The following MTFMT variants were observed in gnomAD, a reference collection of about 807,000 sequenced individuals.
MTFMT encodes the protein methionyl-tRNA formyltransferase, mitochondrial.
In MTFMT, 47 loss-of-function variants were observed where a neutral mutation model predicts 51.8. The ratio of observed to expected loss-of-function variants is 0.91; its 90% CI spans 0.72 to 1.16. MTFMT has a LOEUF of 1.16. Ranked by LOEUF, MTFMT falls within the 50% of genes most tolerant of loss-of-function variation. The pLI, the probability that MTFMT is intolerant of heterozygous loss-of-function variation, is 0.00. For synonymous variants in MTFMT, 196 were observed against 176.7 expected (o/e 1.11, Z -0.87); for missense variants, 512 against 482.3 (o/e 1.06, Z -0.58).
intron 6 of MTFMT, among the ~76,000 whole-genome samples, chr15:65,012,370 G>C (rs998156890): frequency 3.3e-5 from 5 of 151,736 alleles, no homozygotes; most frequent in Non-Finnish European, 7.4e-5. Context: ...AAAATCAATT[G>C]ACCATAAATG....
rs572454817 is a variant in MTFMT, at chr15:65,011,111, T to C, written c.814-4920A>G. On this transcript the variant is annotated intron_variant, in intron 6 of 8. Coordinates refer to ENST00000220058, the MANE Select transcript of MTFMT (RefSeq NM_139242.4). ...CTGAGGCAGGTGGATCACCTGAGGA[T>C]AGGAGTTCGAGACCAGCCAGGTCAA... is the stretch of plus-strand genomic sequence containing the variant. Among the ~76,000 whole-genome samples the C allele has an allele frequency of 8.6e-4, 131 of 152,048 alleles. 1 individual carries two copies. The highest frequency in any genetic ancestry group is 3.0e-3 in the African/African-American group (124 of 41,472).
intron 3 of MTFMT, among the ~76,000 whole-genome samples, chr15:65,022,281 A>C (rs1190909134): frequency 1.3e-5 from 2 of 152,126 alleles, no homozygotes; most frequent in South Asian, 2.1e-4. Context: ...GTGAAACCCT[A>C]TCTCTACTAA....
chr15:65,010,134 C>T (rs188728556), intron 6 of MTFMT, among the ~76,000 whole-genome samples: 5 of 152,292 alleles, frequency 3.3e-5, no homozygotes, highest in Non-Finnish European at 5.9e-5. Flanking sequence ...GCCACACCAG[C>T]CTCATTTCTG....
At chr15:65,026,525 G>A (rs1261343889) in intron 2 of MTFMT, 1 of 306,634 alleles carries the variant, frequency 3.3e-6, no homozygotes, top group African/African-American at 2.2e-5. Context: ...AACATCTTAA[G>A]TTACTGGATT....
At chr15:65,009,212 T>C (rs1349976371) in intron 6 of MTFMT, among the ~76,000 whole-genome samples, 2 of 152,148 alleles carry the variant, frequency 1.3e-5, no homozygotes, top group East Asian at 3.9e-4. Flanking sequence ...GCACAAAGCT[T>C]TTCTCCATGT....
chr15:65,022,242 C>T lies in MTFMT; in HGVS notation c.543-626G>A, dbSNP rs548106349. Among the ~76,000 whole-genome samples, 4 of 152,160 alleles carry T rather than the reference C, an allele frequency of 2.6e-5. No individual in the cohort carries two copies. The South Asian group carries it at 8.3e-4, about 32-fold the overall frequency. On this transcript the variant is annotated intron_variant, in intron 3 of 8. Coordinates refer to ENST00000220058, the MANE Select transcript of MTFMT (RefSeq NM_139242.4). ...CTTTGGGAGGCCAAGGTGGGTGGATCACGAGGTCAAGAGATCCTGGCCAAC... is the reference window on the plus strand; with the variant it reads ...CTTTGGGAGGCCAAGGTGGGTGGATTACGAGGTCAAGAGATCCTGGCCAAC...
intron 5 of MTFMT, among the ~76,000 whole-genome samples, chr15:65,018,558 C>A (rs2086343764): frequency 6.6e-6 from 1 of 152,012 alleles, no homozygotes; most frequent in African/African-American, 2.4e-5. Context: ...CATTGTTGTA[C>A]CAGATGATCT....
At chr15:65,022,934 C>T (rs369982161) in intron 3 of MTFMT, among the ~76,000 whole-genome samples, 1 of 152,084 alleles carries the variant, frequency 6.6e-6, no homozygotes, top group African/African-American at 2.4e-5. Context: ...AAGTGATCCT[C>T]CCACCTCGGC....
chr15:65,012,403 TA>T (rs989559474), intron 6 of MTFMT, among the ~76,000 whole-genome samples: 1 of 151,992 alleles, frequency 6.6e-6, no homozygotes, highest in Non-Finnish European at 1.5e-5. Context: ...TCTAGACTTT[TA>T]AAAAAATTTG....
chr15:65,007,627 A>AT (rs1279827434), intron 6 of MTFMT, among the ~76,000 whole-genome samples: 16 of 152,298 alleles, frequency 1.1e-4, no homozygotes, highest in African/African-American at 3.9e-4. Context: ...TCAACATTTT[A>AT]TTGCTAAACT....
At chr15:65,025,412 G>GAAAT (rs3057964) in intron 2 of MTFMT, among the ~76,000 whole-genome samples, 60,024 of 148,536 alleles carry the variant, frequency 0.4, 12,568 homozygotes, top group East Asian at 0.68. Context: ...CAATAAAATA[G>GAAAT]AAATAAATAA....
intron 5 of MTFMT, among the ~76,000 whole-genome samples, chr15:65,018,535 T>C (rs2086343449): frequency 6.6e-6 from 1 of 152,220 alleles, no homozygotes; most frequent in South Asian, 2.1e-4. Flanking sequence ...CACTGATACC[T>C]TATCTTGCCA....
chr15:65,029,436 G>A lies in MTFMT; in HGVS notation c.178C>T (p.Arg60Cys), dbSNP rs1262243220. The A allele has an allele frequency of 2.0e-6, 3 of 1,507,562 alleles. No homozygotes were observed. The highest frequency in any genetic ancestry group is 2.9e-5 in the African/African-American group (2 of 68,878). The allele number at this position is 1,507,562 out of a possible 1,614,324, so 93.4% of individuals were successfully genotyped here. The change falls in exon 1 of 9, where the codon CGC (arginine) becomes TGC (cysteine). Residue 60 changes from arginine to cysteine, a missense_variant. By Grantham distance (180) the Arg-to-Cys change is radical. Coordinates refer to ENST00000220058, the MANE Select transcript of MTFMT (RefSeq NM_139242.4). ...VLFFGTDQFAREALRALHAAR... is the reference protein window; with the variant it reads ...VLFFGTDQFACEALRALHAAR... The stretch of plus-strand genomic sequence containing the variant: ...GCGTGCAGCGCCCGCAGCGCCTCGC[G>A]GGCGAACTGGTCCGTGCCGAAGAAG...
At chr15:65,027,137 A>G (rs980957846) in intron 1 of MTFMT, 97 bp from the exon 2 acceptor site, 6 of 858,470 alleles carry the variant, frequency 7.0e-6, no homozygotes, top group Non-Finnish European at 1.1e-5. Context: ...GATTAATCTC[A>G]TGAAGCATTT....
intron 5 of MTFMT, among the ~76,000 whole-genome samples, chr15:65,019,153 C>T (rs2086349282): frequency 2.0e-5 from 3 of 152,144 alleles, no homozygotes; most frequent in Admixed American, 2.0e-4. Flanking sequence ...CTGCTAATTG[C>T]AAAAGGGAAA....
chr15:65,006,947 C>T (rs151074507), intron 6 of MTFMT, among the ~76,000 whole-genome samples: 136 of 152,214 alleles, frequency 8.9e-4, no homozygotes, highest in African/African-American at 3.2e-3. Flanking sequence ...CCACCCAGGT[C>T]ATTATGCACA....
At chr15:65,021,720 C>G (rs2140486092) in intron 3 of MTFMT, 104 bp from the exon 4 acceptor site, 1 of 823,606 alleles carries the variant, frequency 1.2e-6, no homozygotes, top group East Asian at 2.5e-5. Context: ...GTCTGCATGC[C>G]TATAGTCCTA....
chr15:65,021,705 C>T (rs1185318056), intron 3 of MTFMT, 89 bp from the exon 4 acceptor site: 6 of 1,026,598 alleles, frequency 5.8e-6, no homozygotes, highest in African/African-American at 4.7e-5. Context: ...AAGCTGGGTA[C>T]AGTGGTCTGC....
At chr15:65,003,464 C>A (rs964966729) in intron 8 of MTFMT, among the ~76,000 whole-genome samples, 2 of 152,074 alleles carry the variant, frequency 1.3e-5, no homozygotes, top group Non-Finnish European at 2.9e-5. Context: ...GTTTTTGACA[C>A]TGAAATTAAA....
Sources: allele counts gnomAD v4.1 joint callset (sites outside exome capture counted in the v4.1 genomes callset), GRCh38; gene constraint gnomAD v4.1.1; transcripts MANE v1.5; gene names NCBI Gene and HGNC (gene_info 2026-07-23, HGNC 2026-07-21).